The following EGLN2 variants were observed in gnomAD, a reference collection of about 807,000 sequenced individuals.
The protein encoded by EGLN2 is egl-9 family hypoxia inducible factor 2, also known as prolyl hydroxylase EGLN2.
In EGLN2, 15 loss-of-function variants were observed where a neutral mutation model predicts 38.2. The ratio of observed to expected loss-of-function variants is 0.39; its 90% confidence interval spans 0.26 to 0.60. The LOEUF is 0.60. EGLN2 is among the 20% of genes least tolerant of loss of function. The pLI is 0.50. For synonymous variants in EGLN2, 284 were observed against 237.4 expected (o/e 1.20, Z -1.81); for missense variants, 492 against 570.4 (o/e 0.86, Z 1.40).
intron 4 of EGLN2, 102 bp downstream of exon 4, chr19:40,807,376 G>T: frequency 1.2e-6 from 2 of 1,602,314 alleles, no homozygotes. Flanking sequence ...TTGAGAGGGG[G>T]CCTAGGTGGG....
At position 40,801,185 on chromosome 19, in the gene EGLN2, C is replaced by T. The variant is rs776147138; in HGVS notation, c.613C>T (p.Arg205Cys). ...CTTCCTGGGGGCAGCACTGGGCGGT[C>T]GCGTGCTGGCCGAGGTGGAGGCCCT... ...DSFLGAALGG[R>C]VLAEVEALKR... Residue 205 changes from arginine to cysteine, a missense_variant, in exon 2 of 6, where the codon CGC becomes TGC. Physicochemically the swap from Arg to Cys is radical, Grantham distance 180 (BLOSUM62 -3). Transcript: ENST00000303961. The T allele has an allele frequency of 9.3e-6, 15 of 1,612,624 alleles. No homozygotes were observed. Among genetic ancestry groups the T allele is most frequent in the African/African-American group, 5.3e-5 (4 of 74,934 alleles).
At chr19:40,806,824 T>C (rs1287846324) in intron 3 of EGLN2, 150 bp downstream of exon 3, 3 of 1,162,166 alleles carry the variant, frequency 2.6e-6, no homozygotes, top group Non-Finnish European at 3.6e-6. Context: ...ATCTGCCGGC[T>C]CTTCCTGGGA....
chr19:40,806,492 G>A, intron 2 of EGLN2, 63 bp from the exon 3 acceptor site: 1 of 1,602,406 alleles, frequency 6.2e-7, no homozygotes, highest in South Asian at 1.1e-5. Flanking sequence ...GGTAATTCAT[G>A]GCTGCTTCTC....
At chr19:40,800,066 C>G (rs1164286781) in intron 1 of EGLN2, 1 of 154,618 alleles carries the variant, frequency 6.5e-6, no homozygotes, top group African/African-American at 2.4e-5. Flanking sequence ...GTTACCGCGT[C>G]CCACAACCTG....
chr19:40,805,407 G>A (rs2083294003), intron 2 of EGLN2: 1 of 152,222 alleles, frequency 6.6e-6, no homozygotes, highest in African/African-American at 2.4e-5. Flanking sequence ...CCATGTGGCA[G>A]GCACTGTGCT....
At position 40,806,581 on chromosome 19, in the gene EGLN2, C is replaced by T. The variant is rs1252769073; in HGVS notation, c.870C>T (p.Asn290=). Residue 290 remains asparagine (N), a synonymous_variant, in exon 3 of 6, where the codon AAC becomes AAT. Coordinates refer to ENST00000303961, the MANE Select transcript of EGLN2 (RefSeq NM_080732.4). The part of the protein sequence containing the change: ...TKAMVACYPG[N]GLGYVRHVDN... ...CCATGGTGGCGTGTTACCCAGGCAACGGGCTCGGGTACGTAAGGCACGTTG... is the reference window on the plus strand; with the variant it reads ...CCATGGTGGCGTGTTACCCAGGCAATGGGCTCGGGTACGTAAGGCACGTTG... 5.6e-6 allele frequency: 9 copies of T among 1,613,902 alleles called. No homozygotes were observed. The highest frequency in any genetic ancestry group is 4.5e-5 in the East Asian group (2 of 44,894).
Position 40,801,098 on chromosome 19 carries a change from C to T in EGLN2, c.526C>T (p.Arg176Cys), listed in dbSNP as rs1161389937. 2 of 1,612,688 alleles carry T rather than the reference C, an allele frequency of 1.2e-6. No individual in the cohort carries two copies. Among genetic ancestry groups the T allele is most frequent in the Non-Finnish European group, 1.7e-6 (2 of 1,179,942 alleles). ...GGAGGCGCTGCCCTCTGCGCCCGAG[C>T]GCCTGGCCCTGGACTATATCGTGCC... ...MEEALPSAPE[R>C]LALDYIVPCM... Residue 176 changes from arginine to cysteine, a missense_variant, in exon 2 of 6, where the codon CGC (arginine) becomes TGC (cysteine). Arg to Cys is a radical substitution (Grantham distance 180, BLOSUM62 -3). Transcript: ENST00000303961.
intron 5 of EGLN2, 37 bp downstream of exon 5, chr19:40,807,588 TG>T (rs753016066): frequency 6.2e-7 from 1 of 1,601,588 alleles, no homozygotes; most frequent in Non-Finnish European, 8.6e-7. Context: ...TCCTATTCTG[TG>T]GGCCCTCTTG....
intron 2 of EGLN2, among the ~76,000 whole-genome samples, chr19:40,802,207 G>A: frequency 6.6e-6 from 1 of 152,224 alleles, no homozygotes; most frequent in East Asian, 1.9e-4. Context: ...GCCCTGGGCT[G>A]AGGGAAGGAA....
At position 40,800,344 on chromosome 19, in the gene EGLN2, C is replaced by G; in HGVS notation, c.-229C>G. 3.6e-6 allele frequency: 2 copies of G among 553,920 alleles called. No individual in the cohort carries two copies. Among genetic ancestry groups the G allele is most frequent in the South Asian group, 6.3e-5 (2 of 31,564 alleles). 34.3% of individuals were successfully genotyped at this position (553,920 alleles called of 1,614,324 possible). A position where few individuals can be genotyped will look rare whatever the true frequency, so the allele number is the denominator to read the frequency against. Reference sequence around the variant, plus strand: ...TTTTTTTTTCCTTTCTCTAGCCACCCTGAAGGGTCCCTTCCCAAGCCCTTA... The same window carrying G: ...TTTTTTTTTCCTTTCTCTAGCCACCGTGAAGGGTCCCTTCCCAAGCCCTTA... On this transcript the variant is annotated 5_prime_UTR_variant, in exon 2 of 6. Coordinates refer to ENST00000303961, the MANE Select transcript of EGLN2 (RefSeq NM_080732.4).
rs1484238474 is a variant in EGLN2, at chr19:40,801,015, G to A, written c.443G>A (p.Gly148Asp). The A allele has an allele frequency of 2.5e-6, 4 of 1,613,178 alleles. No individual in the cohort carries two copies. In the South Asian group the frequency reaches 4.4e-5, roughly 18 times the overall value. The change falls in exon 2 of 6, where the codon GGT (glycine) becomes GAT (aspartate). Residue 148 changes from glycine (G) to aspartate (D), a missense_variant. Coordinates refer to ENST00000303961, the MANE Select transcript of EGLN2 (RefSeq NM_080732.4). ...GAGAACCAGGAGGCAGAGCGGGAGG[G>A]TGGCATGAGCTGCAGCTGCAGCAGT... Reference protein sequence around the residue: ...RQENQEAEREGGMSCSCSSGS... With the variant: ...RQENQEAEREDGMSCSCSSGS...
At position 40,807,930 on chromosome 19, in the gene EGLN2, G is replaced by C. The variant is rs1004562975; in HGVS notation, c.*66G>C. 6.6e-7 allele frequency: 1 copy of C among 1,504,314 alleles called. No individual in the cohort carries two copies. The highest frequency in any genetic ancestry group is 1.4e-5 in the African/African-American group (1 of 72,422). 93.2% of individuals were successfully genotyped at this position (1,504,314 alleles called of 1,614,324 possible). The stretch of plus-strand genomic sequence containing the variant: ...TTCAGGAGAGCCCTGGGCCTGTGCT[G>C]GCTGCTCCTTCCCTGCCACCGCTGC... On this transcript the variant is annotated 3_prime_UTR_variant, in exon 6 of 6. Transcript: ENST00000303961.
intron 2 of EGLN2, chr19:40,805,657 C>T (rs1326625803): frequency 6.6e-6 from 1 of 152,230 alleles, no homozygotes; most frequent in Non-Finnish European, 1.5e-5. Flanking sequence ...ACAAACATCC[C>T]GGGGCCCTGG....
At chr19:40,801,651 C>CTTTTTTTTTTTTTTTTTTTTT (rs58809253) in intron 2 of EGLN2, among the ~76,000 whole-genome samples, 138 of 102,694 alleles carry the variant, frequency 1.3e-3, no homozygotes, top group East Asian at 1.9e-3. Context: ...CACAGTGGTT[C>CTTTTTTTTTTTTTTTTTTTTT]TTTTTTTTTT....
chr19:40,800,293 T>C (rs2083244422), intron 1 of EGLN2, 46 bp from the exon 2 acceptor site: 1 of 417,194 alleles, frequency 2.4e-6, no homozygotes. Flanking sequence ...CCTGCCTGCC[T>C]GTCTCTAGTT....
rs1470663345 is a variant in EGLN2, at chr19:40,800,693, C to T, written c.121C>T (p.Pro41Ser). The change falls in exon 2 of 6, where the codon CCC becomes TCC. Residue 41 changes from proline to serine, a missense_variant. Physicochemically the swap from Pro to Ser is moderately conservative, Grantham distance 74. Transcript: ENST00000303961. ...CAGGATGGGAGTGGAGAGTTACCTG[C>T]CCTGTCCCCTGCTCCCCTCCTACCA... ...RARMGVESYL[P>S]CPLLPSYHCP... 6.2e-7 allele frequency: 1 copy of T among 1,614,076 alleles called. No homozygotes were observed. The highest frequency in any genetic ancestry group is 8.5e-7 in the Non-Finnish European group (1 of 1,180,018).
intron 1 of EGLN2, 25 bp from the exon 2 acceptor site, chr19:40,800,314 C>T (rs1264744859): frequency 4.4e-6 from 2 of 452,114 alleles, no homozygotes; most frequent in African/African-American, 2.5e-5. Context: ...TCTCTCACAT[C>T]CCTTTTTTTT....
At position 40,800,905 on chromosome 19, in the gene EGLN2, C is replaced by T. The variant is rs10417139; in HGVS notation, c.333C>T (p.Gly111=). The change falls in exon 2 of 6, where the codon GGC becomes GGT. Residue 111 remains glycine (G), a synonymous_variant. Transcript: ENST00000303961. ...GGTGCCAGCGATTGGCAGCCCAGGGCGCACGGCCTGAGGCCCCCAAACGGA... is the reference window on the plus strand; with the variant it reads ...GGTGCCAGCGATTGGCAGCCCAGGGTGCACGGCCTGAGGCCCCCAAACGGA... The part of the protein sequence containing the change: ...TKGCQRLAAQ[G]ARPEAPKRKW... 2.7e-3 allele frequency: 4,315 copies of T among 1,609,728 alleles called. 87 individuals are homozygous for T. In the African/African-American group the frequency reaches 0.048, roughly 18 times the overall value.
chr19:40,804,404 T>C (rs761354579), intron 2 of EGLN2: 88 of 152,640 alleles, frequency 5.8e-4, no homozygotes, highest in Non-Finnish European at 5.0e-4. Context: ...TGCTGAGGCC[T>C]TGTGGTGGCG....
Sources: allele counts gnomAD v4.1 joint callset (sites outside exome capture counted in the v4.1 genomes callset), GRCh38; gene constraint gnomAD v4.1.1; transcripts MANE v1.5; gene names NCBI Gene and HGNC (gene_info 2026-07-23, HGNC 2026-07-21).